Variants in HHLA2 observed in about 807,000 individuals in gnomAD.
HHLA2 encodes the protein HHLA2 member of B7 family.
A neutral mutation model predicts 45.9 loss-of-function variants in HHLA2; 48 were observed. The ratio of observed to expected loss-of-function variants is 1.05; its 90% CI spans 0.83 to 1.33. The LOEUF is 1.33. Ranked by LOEUF, HHLA2 falls within the 40% of genes most tolerant of loss-of-function variation. The probability of loss-of-function intolerance (pLI) is 0.00; values close to 1 mark genes in which losing one functional copy is unlikely to be tolerated. For missense variants in HHLA2, 462 were observed against 494.3 expected (o/e 0.93, Z 0.62); for synonymous variants, 161 against 173.9 (o/e 0.93, Z 0.59).
intron 3 of HHLA2, among the ~76,000 whole-genome samples, chr3:108,343,220 C>G (rs2081605987): frequency 6.6e-6 from 1 of 152,146 alleles, no homozygotes; most frequent in East Asian, 1.9e-4. Context: ...TTTCCTGGCT[C>G]TAACTTACGT....
chr3:108,350,611 A>G (rs1298818973), intron 3 of HHLA2, among the ~76,000 whole-genome samples: 1 of 152,234 alleles, frequency 6.6e-6, no homozygotes, highest in African/African-American at 2.4e-5. Context: ...CTTAAATCAC[A>G]TACCTCACAA....
intron 3 of HHLA2, chr3:108,328,372 G>T: frequency 6.8e-7 from 1 of 1,472,996 alleles, no homozygotes; most frequent in Non-Finnish European, 9.1e-7. Context: ...ATACAATGAG[G>T]TTCCAGTATT....
chr3:108,367,677 A>G (rs144582631), intron 8 of HHLA2, among the ~76,000 whole-genome samples: 292 of 152,238 alleles, frequency 1.9e-3, no homozygotes, highest in Non-Finnish European at 2.7e-3. Context: ...AAAAGGAATG[A>G]ACAAAGCCTC....
chr3:108,368,199 C>A (rs1305784380), intron 8 of HHLA2, among the ~76,000 whole-genome samples: 1 of 151,974 alleles, frequency 6.6e-6, no homozygotes, highest in Non-Finnish European at 1.5e-5. Context: ...ACAAGAGCTC[C>A]TGAAGGAAGC....
intron 2 of HHLA2, among the ~76,000 whole-genome samples, chr3:108,317,383 T>C (rs952065103): frequency 1.3e-5 from 2 of 152,170 alleles, no homozygotes; most frequent in Non-Finnish European, 2.9e-5. Flanking sequence ...GATGGCTATG[T>C]AGGCTTTAGA....
intron 2 of HHLA2, among the ~76,000 whole-genome samples, chr3:108,316,271 A>G (rs988159997): frequency 6.6e-6 from 1 of 152,196 alleles, no homozygotes; most frequent in Admixed American, 6.5e-5. Context: ...CTCTGGTTAA[A>G]AACAAGTACT....
In HHLA2 at chr3:108,375,715, A is replaced by G. The variant is rs927032266; in HGVS notation, c.1109-35A>G. On this transcript the variant is annotated intron_variant, in intron 8 of 10. Transcript: ENST00000619531. ...CAGGGAAACAGCTGGGAGAGTAAAT[A>G]CCTAATTTCACTCTTCCCTGTCTCT... 3.7e-6 allele frequency: 6 copies of G among 1,603,216 alleles called. No homozygotes were observed. The African/African-American group carries it at 6.7e-5, about 18-fold the overall frequency.
chr3:108,303,327 C>T (rs1432029759), intron 1 of HHLA2, among the ~76,000 whole-genome samples: 1 of 152,192 alleles, frequency 6.6e-6, no homozygotes, highest in Non-Finnish European at 1.5e-5. Flanking sequence ...TCATCTAGTG[C>T]ATTCATCTCT....
chr3:108,342,707 A>C (rs1165548138), intron 3 of HHLA2, among the ~76,000 whole-genome samples: 3 of 152,172 alleles, frequency 2.0e-5, no homozygotes, highest in Non-Finnish European at 4.4e-5. Context: ...TTTCTCTTCC[A>C]TGTGGACTGC....
chr3:108,336,657 T>C (rs1446509140), intron 3 of HHLA2, among the ~76,000 whole-genome samples: 1 of 152,134 alleles, frequency 6.6e-6, no homozygotes, highest in Non-Finnish European at 1.5e-5. Context: ...CAACTAGATC[T>C]AAGAGGAATG....
At chr3:108,374,074 A>G (rs914430931) in intron 8 of HHLA2, among the ~76,000 whole-genome samples, 1 of 151,440 alleles carries the variant, frequency 6.6e-6, no homozygotes, top group Non-Finnish European at 1.5e-5. Context: ...CCTGACTTCA[A>G]ACCATACTAC....
intron 2 of HHLA2, among the ~76,000 whole-genome samples, chr3:108,318,904 A>G (rs1350603035): frequency 6.6e-6 from 1 of 152,208 alleles, no homozygotes; most frequent in Non-Finnish European, 1.5e-5. Context: ...AACATTGGTT[A>G]TGACATCTCA....
At chr3:108,334,949 C>T (rs1028912348) in intron 3 of HHLA2, among the ~76,000 whole-genome samples, 1 of 152,208 alleles carries the variant, frequency 6.6e-6, no homozygotes, top group Non-Finnish European at 1.5e-5. Flanking sequence ...ACTGCAACTG[C>T]TGTTCCATAT....
intron 7 of HHLA2, among the ~76,000 whole-genome samples, chr3:108,361,602 A>G (rs988201851): frequency 2.4e-4 from 36 of 152,218 alleles, no homozygotes; most frequent in Non-Finnish European, 1.0e-4. Context: ...TACAGTAAGA[A>G]AGAATCTTCT....
intron 8 of HHLA2, among the ~76,000 whole-genome samples, chr3:108,362,658 A>G (rs1488189380): frequency 6.6e-6 from 1 of 152,242 alleles, no homozygotes; most frequent in Non-Finnish European, 1.5e-5. Context: ...TTAAATGAGC[A>G]GAGGTACACC....
chr3:108,324,405 CT>C (rs2081254583), intron 2 of HHLA2, among the ~76,000 whole-genome samples: 1 of 152,128 alleles, frequency 6.6e-6, no homozygotes, highest in Non-Finnish European at 1.5e-5. Context: ...CTTCCTTATA[CT>C]TTTAATATTT....
At chr3:108,343,112 G>C (rs1240122846) in intron 3 of HHLA2, among the ~76,000 whole-genome samples, 1 of 152,184 alleles carries the variant, frequency 6.6e-6, no homozygotes, top group Non-Finnish European at 1.5e-5. Flanking sequence ...GGATGACAGT[G>C]TGGGGTACCA....
At chr3:108,308,113 TCTAA>T (rs1560185532) in intron 1 of HHLA2, among the ~76,000 whole-genome samples, 3 of 152,182 alleles carry the variant, frequency 2.0e-5, no homozygotes. Flanking sequence ...ATTGATTCTT[TCTAA>T]CTATTTTTTG....
intron 3 of HHLA2, among the ~76,000 whole-genome samples, chr3:108,339,873 T>A (rs2081535920): frequency 6.6e-6 from 1 of 152,156 alleles, no homozygotes; most frequent in Non-Finnish European, 1.5e-5. Flanking sequence ...TGTCTTTGGT[T>A]TGTCAGGTGT....
Sources: gnomAD v4.1 joint callset for allele counts (sites outside exome capture counted in the v4.1 genomes callset) on GRCh38, gnomAD v4.1.1 for gene constraint, MANE v1.5 for transcripts, NCBI Gene and HGNC (gene_info 2026-07-23, HGNC 2026-07-21) for gene names.